Variants in SLC2A13 observed in about 807,000 individuals in gnomAD.
The protein encoded by SLC2A13 is proton myo-inositol cotransporter.
In SLC2A13, 32 loss-of-function variants were observed where a neutral mutation model predicts 64.4. That is an observed-to-expected ratio of 0.50 (90% confidence interval 0.37 to 0.67). The LOEUF is 0.67. Among genes scored for constraint, SLC2A13 ranks in the 30% least tolerant of loss-of-function variants. The pLI, the probability that SLC2A13 is intolerant of heterozygous loss-of-function variation, is 0.00. For missense variants in SLC2A13, 743 were observed against 829.2 expected, an observed-to-expected ratio of 0.90 and a Z score of 1.28; for synonymous variants, 338 against 327.1, an observed-to-expected ratio of 1.03 and a Z score of -0.36.
intron 4 of SLC2A13, among the ~76,000 whole-genome samples, chr12:39,875,755 G>T (rs1225697068): frequency 1.3e-5 from 2 of 152,164 alleles, no homozygotes; most frequent in African/African-American, 4.8e-5. Flanking sequence ...TAAAAGTCAG[G>T]TCATGGTCTT....
At chr12:39,895,246 A>T (rs1314154353) in intron 4 of SLC2A13, among the ~76,000 whole-genome samples, 2 of 151,778 alleles carry the variant, frequency 1.3e-5, no homozygotes, top group Non-Finnish European at 2.9e-5. Flanking sequence ...TAAGTCATTT[A>T]AAAAAAGGCC....
chr12:39,885,502 A>T (rs1168722519), intron 4 of SLC2A13, among the ~76,000 whole-genome samples: 1 of 152,150 alleles, frequency 6.6e-6, no homozygotes, highest in African/African-American at 2.4e-5. Flanking sequence ...CTTCTATGGC[A>T]TGGCTTACCT....
At chr12:39,799,270 T>G (rs981800081) in intron 7 of SLC2A13, among the ~76,000 whole-genome samples, 5 of 149,384 alleles carry the variant, frequency 3.3e-5, no homozygotes, top group African/African-American at 1.2e-4. Context: ...TTTTTTTTTT[T>G]TTTTTTTTCC....
chr12:40,043,013 T>C (rs1236545456), intron 2 of SLC2A13, among the ~76,000 whole-genome samples: 2 of 150,544 alleles, frequency 1.3e-5, no homozygotes, highest in Non-Finnish European at 3.0e-5. Flanking sequence ...GGTTGGTTTA[T>C]AAGCTTGGGT....
intron 7 of SLC2A13, among the ~76,000 whole-genome samples, chr12:39,817,637 C>T (rs1566825205): frequency 6.6e-6 from 1 of 152,146 alleles, no homozygotes; most frequent in African/African-American, 2.4e-5. Flanking sequence ...TAGCTGTACA[C>T]AGTAGATCAT....
chr12:39,812,815 C>T (rs540892054), intron 7 of SLC2A13, among the ~76,000 whole-genome samples: 40 of 146,016 alleles, frequency 2.7e-4, no homozygotes, highest in Non-Finnish European at 4.7e-4. Context: ...GGGGGACAAA[C>T]ATTTAGTTTG....
intron 6 of SLC2A13, among the ~76,000 whole-genome samples, chr12:39,847,605 T>C (rs775754163): frequency 6.6e-6 from 1 of 152,018 alleles, no homozygotes; most frequent in Non-Finnish European, 1.5e-5. Flanking sequence ...GACATTTGTA[T>C]GGGTACAGTA....
chr12:39,761,554 G>A (rs906258315), intron 9 of SLC2A13, among the ~76,000 whole-genome samples: 1 of 151,966 alleles, frequency 6.6e-6, no homozygotes, highest in Non-Finnish European at 1.5e-5. Flanking sequence ...TAAGATTAGT[G>A]TGACTAATTA....
At chr12:39,784,968 A>G (rs1453166881) in intron 7 of SLC2A13, among the ~76,000 whole-genome samples, 1 of 152,236 alleles carries the variant, frequency 6.6e-6, no homozygotes, top group African/African-American at 2.4e-5. Flanking sequence ...GGGTGCTGTT[A>G]AAAGCACTCT....
intron 7 of SLC2A13, among the ~76,000 whole-genome samples, chr12:39,794,527 C>G (rs1941512820): frequency 1.3e-5 from 2 of 152,188 alleles, no homozygotes; most frequent in African/African-American, 4.8e-5. Context: ...AAGTCTCAGC[C>G]AATCGCAGTA....
intron 4 of SLC2A13, among the ~76,000 whole-genome samples, chr12:39,920,365 T>G (rs1019800863): frequency 1.3e-5 from 2 of 152,094 alleles, no homozygotes; most frequent in African/African-American, 4.8e-5. Context: ...TGGAAAAAAC[T>G]GAGTTACTCA....
chr12:39,924,664 T>C lies in SLC2A13; in HGVS notation c.1034+26593A>G, dbSNP rs1459191364. Among the ~76,000 whole-genome samples, 3 of 152,220 alleles carry C rather than the reference T, an allele frequency of 2.0e-5. No homozygotes were observed. The East Asian group carries it at 5.8e-4, about 29-fold the overall frequency. ...TATTTGCTTGAATCACTGTTTTCAA[T>C]TATTCTTCATTTTTTTTCTTTCAAT... On this transcript the variant is annotated intron_variant, in intron 4 of 9. Transcript: ENST00000280871.
At chr12:40,104,876 AAAGCAGAGACCCTCGT>A (rs1939253653) in intron 1 of SLC2A13, among the ~76,000 whole-genome samples, 1 of 152,192 alleles carries the variant, frequency 6.6e-6, no homozygotes, top group African/African-American at 2.4e-5. Flanking sequence ...ACAGTGCAGG[AAAGCAGAGACCCTCGT>A]AAGCTCAAGA....
intron 4 of SLC2A13, among the ~76,000 whole-genome samples, chr12:39,894,053 C>A (rs555313088): frequency 2.0e-5 from 3 of 152,178 alleles, no homozygotes; most frequent in African/African-American, 7.2e-5. Flanking sequence ...GCAGTTAGTA[C>A]ATTAATGTTC....
intron 6 of SLC2A13, among the ~76,000 whole-genome samples, chr12:39,837,663 A>G (rs892018500): frequency 3.3e-5 from 5 of 151,766 alleles, no homozygotes; most frequent in East Asian, 1.9e-4. Context: ...AAACAACCCC[A>G]TCAAAAAGTG....
rs1195057830 is a variant in SLC2A13 at position 39,923,690 on chromosome 12, G to GCACACACACA, written c.1034+27566_1034+27567insTGTGTGTGTG. Among the ~76,000 whole-genome samples, 6 of 36,480 alleles carry GCACACACACA rather than the reference G, an allele frequency of 1.6e-4. No individual in the cohort carries two copies. The South Asian group carries it at 4.2e-3, about 26-fold the overall frequency. 23.9% of individuals were successfully genotyped at this position (36,480 alleles called of 152,430 possible). On this transcript the variant is annotated intron_variant, in intron 4 of 9. Coordinates refer to ENST00000280871, the MANE Select transcript of SLC2A13 (RefSeq NM_052885.4). ...TATGTATATATATATATATATATGC[G>GCACACACACA]CACGCGCACACACACACACACACAC...
At chr12:40,086,112 CA>C (rs1458680843) in intron 1 of SLC2A13, among the ~76,000 whole-genome samples, 15 of 152,312 alleles carry the variant, frequency 9.8e-5, no homozygotes, top group African/African-American at 3.6e-4. Flanking sequence ...GCTGGGATTA[CA>C]GGTGTGAGCC....
intron 9 of SLC2A13, among the ~76,000 whole-genome samples, chr12:39,763,056 G>T (rs1305234408): frequency 6.6e-6 from 1 of 151,896 alleles, no homozygotes; most frequent in South Asian, 2.1e-4. Flanking sequence ...CATATACTTA[G>T]GTCTTCAAAT....
chr12:39,884,330 C>G (rs897714152), intron 4 of SLC2A13, among the ~76,000 whole-genome samples: 28 of 152,308 alleles, frequency 1.8e-4, no homozygotes, highest in Middle Eastern at 3.4e-3. Flanking sequence ...AAGGAACTTA[C>G]ACATGTCTTC....
Sources: allele counts gnomAD v4.1 joint callset (sites outside exome capture counted in the v4.1 genomes callset), GRCh38; gene constraint gnomAD v4.1.1; transcripts MANE v1.5; gene names NCBI Gene and HGNC (gene_info 2026-07-23, HGNC 2026-07-21).